The following CLC variants were observed in gnomAD, a reference collection of about 807,000 sequenced individuals.
CLC encodes galectin-10.
In CLC, 15 loss-of-function variants were observed where a neutral mutation model predicts 13.9. The ratio of observed to expected loss-of-function variants is 1.08; its 90% CI spans 0.72 to 1.66. The LOEUF is 1.66. CLC is among the 40% of genes most tolerant of loss of function. The pLI is 0.00. For missense variants in CLC, 161 were observed against 169.1 expected (o/e 0.95, Z 0.27); for synonymous variants, 68 against 59.9 (o/e 1.14, Z -0.63).
intron 1 of CLC, among the ~76,000 whole-genome samples, chr19:39,737,572 C>T (rs950637515): frequency 8.5e-5 from 13 of 152,074 alleles, no homozygotes; most frequent in Non-Finnish European, 1.8e-4. Context: ...TGTGCTCACA[C>T]ACACACTCAC....
intron 3 of CLC, chr19:39,733,928 G>A (rs931227962): frequency 2.5e-5 from 25 of 984,466 alleles, no homozygotes; most frequent in Non-Finnish European, 2.9e-5. Flanking sequence ...ACATCATAAG[G>A]GGAAGATAGA....
intron 1 of CLC, among the ~76,000 whole-genome samples, chr19:39,736,501 G>A (rs62121705): frequency 0.068 from 10,352 of 152,192 alleles, 484 homozygotes; most frequent in South Asian, 0.1. Context: ...CAGGCTGGGC[G>A]TGGTGGCTCA....
At position 39,734,987 on chromosome 19, in the gene CLC, G is replaced by A; in HGVS notation, c.92+10C>T. On this transcript the variant is annotated intron_variant, in intron 2 of 3. Transcript: ENST00000221804. ...CTCCACCTCCCATCTTTGCACCATG[G>A]AGTACTCACAAGAAACAGGCAAGTG... 6.3e-7 allele frequency: 1 copy of A among 1,590,550 alleles called. No homozygotes were observed. The highest frequency in any genetic ancestry group is 8.6e-7 in the Non-Finnish European group (1 of 1,158,578).
intron 1 of CLC, among the ~76,000 whole-genome samples, chr19:39,737,545 T>C (rs1248625071): frequency 1.3e-5 from 2 of 151,916 alleles, no homozygotes; most frequent in African/African-American, 4.8e-5. Flanking sequence ...ATAAAGATGC[T>C]CATGCACTGG....
chr19:39,734,519 G>A, intron 2 of CLC, 26 bp from the exon 3 acceptor site: 1 of 1,597,524 alleles, frequency 6.3e-7, no homozygotes, highest in Non-Finnish European at 8.6e-7. Context: ...ACAGTGTTGA[G>A]CAGGTCCCTT....
At chr19:39,734,873 T>G in intron 2 of CLC, 124 bp downstream of exon 2, 1 of 749,306 alleles carries the variant, frequency 1.3e-6, no homozygotes, top group Non-Finnish European at 2.3e-6. Flanking sequence ...CTCCAGGACC[T>G]GCACATTCAT....
Position 39,731,269 on chromosome 19 carries a change from G to C in CLC, c.*111C>G. On this transcript the variant is annotated 3_prime_UTR_variant, in exon 4 of 4. Coordinates refer to ENST00000221804, the MANE Select transcript of CLC (RefSeq NM_001828.6). ...ACCAAATTCTGTGAAGTTTGATTAA[G>C]TTTTAATGAGCAGGAGTAAGGATTG... 1.6e-6 allele frequency: 2 copies of C among 1,221,730 alleles called. No individual in the cohort carries two copies. The highest frequency in any genetic ancestry group is 2.4e-6 in the Non-Finnish European group (2 of 848,568). 75.7% of individuals were successfully genotyped at this position (1,221,730 alleles called of 1,614,324 possible).
intron 1 of CLC, among the ~76,000 whole-genome samples, chr19:39,736,650 C>A (rs1242868118): frequency 6.6e-6 from 1 of 151,974 alleles, no homozygotes; most frequent in African/African-American, 2.4e-5. Context: ...TGGCACAAGC[C>A]TGTAATCCCA....
intron 3 of CLC, chr19:39,733,880 GTA>G (rs1967265649): frequency 1.1e-6 from 1 of 945,528 alleles, no homozygotes. Context: ...TTATTCATGT[GTA>G]TATCTTATCC....
At chr19:39,736,761 C>T (rs385288) in intron 1 of CLC, among the ~76,000 whole-genome samples, 99,752 of 148,646 alleles carry the variant, frequency 0.67, 34,091 homozygotes, top group African/African-American at 0.77. Flanking sequence ...GGAAACAGAG[C>T]GAGACTCTGT....
intron 1 of CLC, among the ~76,000 whole-genome samples, chr19:39,735,434 T>A (rs1282847991): frequency 6.6e-6 from 1 of 152,136 alleles, no homozygotes; most frequent in Non-Finnish European, 1.5e-5. Context: ...AGCCATCCTC[T>A]CAATTCAGTT....
intron 2 of CLC, among the ~76,000 whole-genome samples, chr19:39,734,763 T>C (rs527591603): frequency 6.6e-6 from 1 of 152,248 alleles, no homozygotes; most frequent in South Asian, 2.1e-4. Flanking sequence ...TTTTAATAGA[T>C]AAAGTGTCAC....
chr19:39,733,829 G>T, intron 3 of CLC: 1 of 387,430 alleles, frequency 2.6e-6, no homozygotes, highest in Non-Finnish European at 3.2e-6. Flanking sequence ...GATTGGGATT[G>T]AGGAGTGAGA....
intron 1 of CLC, among the ~76,000 whole-genome samples, chr19:39,735,426 C>T (rs1030532293): frequency 6.6e-6 from 1 of 152,176 alleles, no homozygotes; most frequent in African/African-American, 2.4e-5. Context: ...CAGGCTCAAG[C>T]CATCCTCTCA....
At chr19:39,733,851 T>C (rs1174918056) in intron 3 of CLC, 1 of 770,388 alleles carries the variant, frequency 1.3e-6, no homozygotes, top group Non-Finnish European at 1.6e-6. Context: ...GTCTTCATAT[T>C]GGACTGACTA....
chr19:39,734,607 T>C (rs1600846634), intron 2 of CLC, 114 bp from the exon 3 acceptor site: 1 of 847,368 alleles, frequency 1.2e-6, no homozygotes, highest in East Asian at 2.6e-5. Context: ...GTTGGTATTC[T>C]AGGCCTTGTC....
rs73930785 is a variant in CLC, at chr19:39,735,301, C to T, written c.16-228G>A. On this transcript the variant is annotated intron_variant, in intron 1 of 3. Transcript: ENST00000221804. Reference sequence around the variant, plus strand: ...TCAATTAGATCCTTTATTGTGCTGACTACTAGCAGTGAGATGTTAACATGT... The same window carrying T: ...TCAATTAGATCCTTTATTGTGCTGATTACTAGCAGTGAGATGTTAACATGT... Among the ~76,000 whole-genome samples the T allele has an allele frequency of 4.7e-3, 714 of 152,298 alleles. 6 individuals are homozygous for T. The highest frequency in any genetic ancestry group is 0.016 in the African/African-American group (682 of 41,566).
chr19:39,734,873 T>A, intron 2 of CLC, 124 bp downstream of exon 2: 1 of 749,306 alleles, frequency 1.3e-6, no homozygotes, highest in Non-Finnish European at 2.3e-6. Context: ...CTCCAGGACC[T>A]GCACATTCAT....
rs912172165 is a variant in CLC at position 39,737,983 on chromosome 19, T to A, written c.-31A>T. 1.7e-5 allele frequency: 27 copies of A among 1,610,802 alleles called. No homozygotes were observed. The highest frequency in any genetic ancestry group is 2.2e-5 in the Non-Finnish European group (26 of 1,177,742). ...TCTCCTTCTGGGTGGCTCTTCTGAA[T>A]TGTGTCCAGACTTCTGTGTGAATCT... On this transcript the variant is annotated 5_prime_UTR_variant, in exon 1 of 4. Coordinates refer to ENST00000221804, the MANE Select transcript of CLC (RefSeq NM_001828.6).
Sources: allele counts gnomAD v4.1 joint callset (sites outside exome capture counted in the v4.1 genomes callset), GRCh38; gene constraint gnomAD v4.1.1; transcripts MANE v1.5; gene names NCBI Gene and HGNC (gene_info 2026-07-23, HGNC 2026-07-21).